The following LAMA2 variants were observed in gnomAD, a reference collection of about 807,000 sequenced individuals.
LAMA2 encodes laminin subunit alpha-2.
In LAMA2, 269 loss-of-function variants were observed where a neutral mutation model predicts 364.8. That is an observed-to-expected ratio of 0.74 (90% confidence interval 0.67 to 0.82). The LOEUF is 0.82. LAMA2 is among the 40% of genes least tolerant of loss of function. The pLI is 0.00. For synonymous variants in LAMA2, 1,379 were observed against 1,370.6 expected (o/e 1.01, Z -0.14); for missense variants, 3,807 against 3,873.2 (o/e 0.98, Z 0.45).
At chr6:128,929,999 TC>T (rs1341605343) in intron 1 of LAMA2, 8 of 543,486 alleles carry the variant, frequency 1.5e-5, no homozygotes, top group Non-Finnish European at 2.3e-5. Flanking sequence ...GGCGGCGTTA[TC>T]CCACGCTGCC....
chr6:129,053,823 A>G (rs1023677190), intron 2 of LAMA2, among the ~76,000 whole-genome samples: 8 of 152,226 alleles, frequency 5.3e-5, no homozygotes, highest in African/African-American at 1.7e-4. Flanking sequence ...TATTCTGTCA[A>G]GTATCCTTGA....
rs1385020207 is a variant in LAMA2, at chr6:129,200,085, T to G, written c.1782+7232T>G. 2.7e-5 allele frequency among the ~76,000 whole-genome samples: 4 copies of G among 147,396 alleles called. No homozygotes were observed. The Admixed American group carries it at 2.7e-4, about 10-fold the overall frequency. ...TAGAGCGAGACCCTCTCCAAAAATA[T>G]ATATATACACGTGTATATGTGTACA... On this transcript the variant is annotated intron_variant, in intron 12 of 64. Coordinates refer to ENST00000421865, the MANE Select transcript of LAMA2 (RefSeq NM_000426.4).
chr6:128,974,038 T>C (rs1171611008), intron 1 of LAMA2, among the ~76,000 whole-genome samples: 1 of 152,216 alleles, frequency 6.6e-6, no homozygotes, highest in Non-Finnish European at 1.5e-5. Context: ...ACTGACCTAG[T>C]GCACCATTTA....
intron 30 of LAMA2, among the ~76,000 whole-genome samples, chr6:129,343,454 A>G (rs1776376532): frequency 6.6e-6 from 1 of 152,126 alleles, no homozygotes; most frequent in South Asian, 2.1e-4. Flanking sequence ...CAGGGTGTCA[A>G]ATGTCAATTT....
chr6:128,983,322 G>A (rs908269860), intron 1 of LAMA2, among the ~76,000 whole-genome samples: 7 of 151,966 alleles, frequency 4.6e-5, no homozygotes, highest in Non-Finnish European at 1.0e-4. Context: ...GTGTGAGATG[G>A]TATCTCATTG....
rs149896793 is a variant in LAMA2, at chr6:129,270,684, G to T, written c.2383G>T (p.Glu795Ter). 1.2e-6 allele frequency: 2 copies of T among 1,612,798 alleles called. No homozygotes were observed. The highest frequency in any genetic ancestry group is 1.7e-6 in the Non-Finnish European group (2 of 1,179,250). Residue 795 changes from glutamate to a stop codon, truncating the protein, a stop_gained, in exon 17 of 65, where the codon GAG (glutamate) becomes TAG (stop). Coordinates refer to ENST00000421865, the MANE Select transcript of LAMA2 (RefSeq NM_000426.4). LOFTEE classifies it high-confidence loss of function. The part of the protein sequence containing the change: ...CDKCLPGFYG[E>*]PTKGTSEDCQ... ...TAAATGTCTTCCTGGTTTCTATGGC[G>T]AGCCTACTAAAGGAACCTCTGAAGA...
chr6:129,461,334 G>A (rs1034968408), intron 49 of LAMA2, among the ~76,000 whole-genome samples: 2 of 151,932 alleles, frequency 1.3e-5, no homozygotes, highest in Non-Finnish European at 2.9e-5. Flanking sequence ...GCCCCAAAAT[G>A]TTATCCCTCT....
intron 30 of LAMA2, among the ~76,000 whole-genome samples, chr6:129,347,205 G>T (rs891813806): frequency 6.6e-6 from 1 of 152,156 alleles, no homozygotes; most frequent in African/African-American, 2.4e-5. Context: ...GATAAGTGGA[G>T]TGTGAGAGAG....
intron 62 of LAMA2, among the ~76,000 whole-genome samples, chr6:129,511,976 GATA>G (rs1319152315): frequency 2.0e-5 from 3 of 152,110 alleles, no homozygotes; most frequent in African/African-American, 7.2e-5. Context: ...AGACTTCTAA[GATA>G]ATAATACCTG....
chr6:129,176,626 A>G (rs1263559342), intron 9 of LAMA2, among the ~76,000 whole-genome samples: 1 of 152,134 alleles, frequency 6.6e-6, no homozygotes, highest in African/African-American at 2.4e-5. Flanking sequence ...AATAATTTAA[A>G]TCATGTTTTT....
At chr6:128,958,459 A>G (rs545636045) in intron 1 of LAMA2, among the ~76,000 whole-genome samples, 2 of 152,280 alleles carry the variant, frequency 1.3e-5, no homozygotes, top group East Asian at 3.9e-4. Flanking sequence ...GAAACCCTAC[A>G]ATTAAATTCC....
chr6:129,075,073 T>TG (rs745449695), intron 3 of LAMA2, among the ~76,000 whole-genome samples: 63 of 151,632 alleles, frequency 4.2e-4, no homozygotes, highest in Non-Finnish European at 2.9e-4. Context: ...TGCAAGTTCA[T>TG]GAAAAAAAAA....
At chr6:129,112,693 G>A (rs901254296) in intron 4 of LAMA2, among the ~76,000 whole-genome samples, 1 of 151,422 alleles carries the variant, frequency 6.6e-6, no homozygotes, top group African/African-American at 2.4e-5. Flanking sequence ...AAGATCTCTA[G>A]CACAGAAAAG....
intron 12 of LAMA2, among the ~76,000 whole-genome samples, chr6:129,195,286 C>T (rs1781769518): frequency 6.6e-6 from 1 of 152,090 alleles, no homozygotes; most frequent in Non-Finnish European, 1.5e-5. Context: ...TTTTAGGAGC[C>T]TAATCCCAAA....
At chr6:129,384,202 G>A (rs898478113) in intron 35 of LAMA2, among the ~76,000 whole-genome samples, 1 of 152,182 alleles carries the variant, frequency 6.6e-6, no homozygotes, top group Non-Finnish European at 1.5e-5. Flanking sequence ...AAAAATCTCA[G>A]TTAATTCATT....
chr6:129,183,691 T>G (rs1337555955), intron 10 of LAMA2, among the ~76,000 whole-genome samples: 1 of 151,992 alleles, frequency 6.6e-6, no homozygotes, highest in Non-Finnish European at 1.5e-5. Context: ...TGGCTCGGCT[T>G]AACTTCAACT....
chr6:129,421,464 G>T (rs1781069735), intron 40 of LAMA2, among the ~76,000 whole-genome samples: 1 of 151,784 alleles, frequency 6.6e-6, no homozygotes, highest in South Asian at 2.1e-4. Flanking sequence ...TTTCACATAT[G>T]CTGTAGACAC....
intron 1 of LAMA2, among the ~76,000 whole-genome samples, chr6:128,885,742 C>T (rs1776117275): frequency 6.6e-6 from 1 of 152,138 alleles, no homozygotes; most frequent in African/African-American, 2.4e-5. Flanking sequence ...TTAGATGTTG[C>T]AGTTGAGTTA....
chr6:128,967,467 A>G (rs1380111302), intron 1 of LAMA2, among the ~76,000 whole-genome samples: 3 of 152,182 alleles, frequency 2.0e-5, no homozygotes, highest in Non-Finnish European at 4.4e-5. Context: ...CCCACTTGCT[A>G]TACATCAGGC....
Sources: allele counts gnomAD v4.1 joint callset (sites outside exome capture counted in the v4.1 genomes callset), GRCh38; gene constraint gnomAD v4.1.1; transcripts MANE v1.5; gene names NCBI Gene and HGNC (gene_info 2026-07-23, HGNC 2026-07-21).